Variants in GALNTL6 observed in about 807,000 individuals in gnomAD.
GALNTL6 encodes the protein polypeptide N-acetylgalactosaminyltransferase-like 6.
A neutral mutation model predicts 73.7 loss-of-function variants in GALNTL6; 46 were observed. That is an observed-to-expected ratio of 0.62 (90% CI 0.49 to 0.80). The LOEUF (loss-of-function observed/expected upper bound fraction) is 0.80, where lower values mean the gene tolerates loss of function less well. Among genes scored for constraint, GALNTL6 ranks in the 30% least tolerant of loss-of-function variants. The pLI is 0.00. For missense variants in GALNTL6, 604 were observed against 755.0 expected (o/e 0.80, Z 2.34); for synonymous variants, 259 against 263.7 (o/e 0.98, Z 0.17).
chr4:172,464,331 C>T (rs914498713), intron 5 of GALNTL6, among the ~76,000 whole-genome samples: 5 of 152,056 alleles, frequency 3.3e-5, no homozygotes, highest in African/African-American at 1.2e-4. Flanking sequence ...ATTTATTATG[C>T]ACCAGGCACT....
chr4:172,749,095 T>TG (rs1220751169), intron 5 of GALNTL6, among the ~76,000 whole-genome samples: 2 of 151,816 alleles, frequency 1.3e-5, no homozygotes, highest in African/African-American at 4.8e-5. Context: ...GTTGTTTGTT[T>TG]TTTTTTTGAT....
chr4:172,813,514 T>G, intron 6 of GALNTL6, 26 bp from the exon 7 acceptor site: 3 of 1,573,392 alleles, frequency 1.9e-6, no homozygotes, highest in Non-Finnish European at 2.6e-6. Flanking sequence ...GCATGTCATT[T>G]CCTATTTTGT....
chr4:172,402,234 G>A lies in GALNTL6; in HGVS notation c.553+53545G>A, dbSNP rs968652145. ...TGCTGTGTGCCTGGCTTAGTGCAAT[G>A]AACTTAACACTGTGATGTTGTCCCT... On this transcript the variant is annotated intron_variant, in intron 5 of 12. Coordinates refer to ENST00000506823, the MANE Select transcript of GALNTL6 (RefSeq NM_001034845.3). 3.3e-5 allele frequency among the ~76,000 whole-genome samples: 5 copies of A among 152,008 alleles called. No homozygotes were observed. The East Asian group carries it at 9.6e-4, about 29-fold the overall frequency.
At chr4:172,207,623 T>C (rs1160976667) in intron 2 of GALNTL6, among the ~76,000 whole-genome samples, 1 of 152,170 alleles carries the variant, frequency 6.6e-6, no homozygotes, top group Non-Finnish European at 1.5e-5. Context: ...TGCATGGTAG[T>C]AGCTGTTAAA....
chr4:172,904,396 T>C (rs571941303), intron 8 of GALNTL6, among the ~76,000 whole-genome samples: 13 of 152,322 alleles, frequency 8.5e-5, no homozygotes, highest in African/African-American at 2.9e-4. Flanking sequence ...AAAGCGTCTG[T>C]AGCAGGGAGG....
In GALNTL6 at chr4:172,317,422, G is replaced by A. The variant is rs147301330; in HGVS notation, c.386+5670G>A. ...GGCAAGGTTTACCAAATCAGCGATCGCGTGATCTATTCAGTTATTTCTTTG... is the reference window on the plus strand; with the variant it reads ...GGCAAGGTTTACCAAATCAGCGATCACGTGATCTATTCAGTTATTTCTTTG... On this transcript the variant is annotated intron_variant, in intron 4 of 12. Transcript: ENST00000506823. 2.5e-3 allele frequency among the ~76,000 whole-genome samples: 380 copies of A among 152,226 alleles called. 2 individuals are homozygous for A. The highest frequency in any genetic ancestry group is 8.6e-3 in the African/African-American group (358 of 41,552).
At chr4:172,945,654 G>C (rs1189416541) in intron 9 of GALNTL6, among the ~76,000 whole-genome samples, 4 of 152,160 alleles carry the variant, frequency 2.6e-5, no homozygotes, top group Non-Finnish European at 5.9e-5. Flanking sequence ...CCTTGTTCAT[G>C]ACAGCCCAAA....
At chr4:172,825,996 T>C (rs1196466924) in intron 7 of GALNTL6, among the ~76,000 whole-genome samples, 1 of 152,224 alleles carries the variant, frequency 6.6e-6, no homozygotes, top group African/African-American at 2.4e-5. Context: ...TTGTAGCATA[T>C]GGAGCAGGTT....
At chr4:171,844,368 T>C (rs1028751280) in intron 2 of GALNTL6, among the ~76,000 whole-genome samples, 11 of 152,184 alleles carry the variant, frequency 7.2e-5, no homozygotes, top group African/African-American at 2.7e-4. Flanking sequence ...ATGCCCATCA[T>C]TGTCACTTTC....
intron 5 of GALNTL6, among the ~76,000 whole-genome samples, chr4:172,497,124 G>T (rs887103085): frequency 6.6e-6 from 1 of 152,196 alleles, no homozygotes; most frequent in Admixed American, 6.5e-5. Context: ...TATTGAAGCT[G>T]CTGATTCATT....
At chr4:172,049,849 T>A (rs1014142884) in intron 2 of GALNTL6, among the ~76,000 whole-genome samples, 3 of 152,114 alleles carry the variant, frequency 2.0e-5, no homozygotes, top group Non-Finnish European at 2.9e-5. Flanking sequence ...CCTGGCATGG[T>A]GGCAGGTGCC....
intron 3 of GALNTL6, among the ~76,000 whole-genome samples, chr4:172,287,966 A>C (rs1308389807): frequency 6.6e-6 from 1 of 152,198 alleles, no homozygotes; most frequent in African/African-American, 2.4e-5. Flanking sequence ...TATAACCTTG[A>C]AAGTGAATAT....
chr4:172,313,386 G>A (rs79477214), intron 4 of GALNTL6, among the ~76,000 whole-genome samples: 5 of 152,114 alleles, frequency 3.3e-5, no homozygotes, highest in African/African-American at 1.2e-4. Flanking sequence ...GCCTCCCAAA[G>A]TGCTGGGATT....
Position 172,749,073 on chromosome 4 carries a change from T to G in GALNTL6, c.554-60288T>G, listed in dbSNP as rs995197340. On this transcript the variant is annotated intron_variant, in intron 5 of 12. Coordinates refer to ENST00000506823, the MANE Select transcript of GALNTL6 (RefSeq NM_001034845.3). ...ATAGGCATTTGTCACCAGGCTAATT[T>G]TTGTTGTTGTTGTTGTTTGTTTTTT... 2.7e-5 allele frequency among the ~76,000 whole-genome samples: 4 copies of G among 146,290 alleles called. No individual in the cohort carries two copies. The East Asian group carries it at 8.1e-4, about 30-fold the overall frequency.
At chr4:172,949,680 C>T (rs557356033) in intron 9 of GALNTL6, among the ~76,000 whole-genome samples, 12 of 151,912 alleles carry the variant, frequency 7.9e-5, no homozygotes, top group Non-Finnish European at 2.9e-5. Context: ...GAGGCCAACG[C>T]GGGTGGATCA....
intron 10 of GALNTL6, among the ~76,000 whole-genome samples, chr4:173,002,252 T>C (rs982349698): frequency 1.3e-5 from 2 of 151,526 alleles, no homozygotes; most frequent in African/African-American, 2.4e-5. Context: ...TAGCCAGGTG[T>C]GGTGGTGCAC....
chr4:172,161,371 T>C (rs1266157630), intron 2 of GALNTL6, among the ~76,000 whole-genome samples: 1 of 151,918 alleles, frequency 6.6e-6, no homozygotes, highest in African/African-American at 2.4e-5. Flanking sequence ...TTCAGCATGG[T>C]TTTTCCAAAA....
intron 5 of GALNTL6, among the ~76,000 whole-genome samples, chr4:172,513,795 C>T (rs1016635720): frequency 1.3e-5 from 2 of 152,192 alleles, no homozygotes; most frequent in African/African-American, 4.8e-5. Context: ...GATACCAGCA[C>T]CTGCTCTGTT....
chr4:172,480,943 A>C (rs984648674), intron 5 of GALNTL6, among the ~76,000 whole-genome samples: 15 of 152,208 alleles, frequency 9.9e-5, no homozygotes, highest in African/African-American at 3.1e-4. Flanking sequence ...GACTCTCGGA[A>C]GTGGCAAATT....
Sources: gnomAD v4.1 joint callset for allele counts (sites outside exome capture counted in the v4.1 genomes callset) on GRCh38, gnomAD v4.1.1 for gene constraint, MANE v1.5 for transcripts, NCBI Gene and HGNC (gene_info 2026-07-23, HGNC 2026-07-21) for gene names.